IL1RAP: variants seen among roughly 807,000 people sequenced by gnomAD.
The protein encoded by IL1RAP is interleukin 1 receptor accessory protein, also known as interleukin-1 receptor accessory protein.
A neutral mutation model predicts 60.7 loss-of-function variants in IL1RAP; 35 were observed. That is an observed-to-expected ratio of 0.58 (90% CI 0.44 to 0.76). IL1RAP has a LOEUF of 0.76. Among genes scored for constraint, IL1RAP ranks in the 30% least tolerant of loss-of-function variants. The probability of loss-of-function intolerance (pLI) is 0.00; values close to 1 mark genes in which losing one functional copy is unlikely to be tolerated. For synonymous variants in IL1RAP, 268 were observed against 250.9 expected (o/e 1.07, Z -0.64); for missense variants, 572 against 693.9 (o/e 0.82, Z 1.97).
At chr3:190,651,797 G>A (rs150408166), downstream of IL1RAP, among the ~76,000 whole-genome samples, 1 of 152,202 alleles carries the variant, frequency 6.6e-6, no homozygotes, top group Non-Finnish European at 1.5e-5. Flanking sequence ...ATGTGTATGT[G>A]TATGTGTATG....
rs1032941234 is a variant in IL1RAP, at chr3:190,564,212, C to T, written c.-1-77C>T. The T allele has an allele frequency of 7.8e-6, 7 of 898,172 alleles. No individual in the cohort carries two copies. In the African/African-American group the frequency reaches 9.8e-5, roughly 13 times the overall value. The allele number at this position is 898,172 out of a possible 1,614,324, so 55.6% of individuals were successfully genotyped here. A position where few individuals can be genotyped will look rare whatever the true frequency, so the allele number is the denominator to read the frequency against. ...CAGTCCCTAGTCTATAGTCAGCAGG[C>T]ATGAATGCTAGTTATTATTATTTAA... On this transcript the variant is annotated intron_variant, in intron 2 of 11. Transcript: ENST00000447382.
intron 2 of IL1RAP, among the ~76,000 whole-genome samples, chr3:190,563,123 A>T (rs1726059273): frequency 6.6e-6 from 1 of 152,152 alleles, no homozygotes; most frequent in African/African-American, 2.4e-5. Flanking sequence ...TGCTCTTAAA[A>T]TTGGCCCATT....
intron 3 of IL1RAP, among the ~76,000 whole-genome samples, chr3:190,588,563 C>T (rs966509962): frequency 6.6e-6 from 1 of 152,218 alleles, no homozygotes; most frequent in Non-Finnish European, 1.5e-5. Flanking sequence ...TGCACACACA[C>T]ACAAGATGTT....
chr3:190,652,457 G>GAAA (rs10631058), downstream of IL1RAP, among the ~76,000 whole-genome samples: 1,500 of 135,520 alleles, frequency 0.011, 28 homozygotes, highest in African/African-American at 0.038. Context: ...CGAGACTTCA[G>GAAA]AAAAAAAAAA....
chr3:190,603,591 T>G (rs562304643), intron 3 of IL1RAP, among the ~76,000 whole-genome samples: 1 of 152,232 alleles, frequency 6.6e-6, no homozygotes, highest in African/African-American at 2.4e-5. Flanking sequence ...ATATATTGGG[T>G]TTAACAAAAT....
At chr3:190,624,097 A>G (rs1390254034) in intron 7 of IL1RAP, among the ~76,000 whole-genome samples, 1 of 152,240 alleles carries the variant, frequency 6.6e-6, no homozygotes, top group Admixed American at 6.5e-5. Flanking sequence ...AACAACAAAG[A>G]CAATAGCTCT....
rs1211249957 is a variant in IL1RAP at position 190,648,588 on chromosome 3, G to A, written c.1596G>A (p.Lys532=). Residue 532 remains lysine (K), a synonymous_variant, in exon 12 of 12, where the codon AAG becomes AAA. Coordinates refer to ENST00000447382, the MANE Select transcript of IL1RAP (RefSeq NM_002182.4). ...TVIKWKGEKS[K]YPQGRFWKQL... ...TTAAATGGAAAGGGGAAAAATCCAA[G>A]TATCCACAGGGCAGGTTCTGGAAGC... is the stretch of plus-strand genomic sequence containing the variant. 6.2e-7 allele frequency: 1 copy of A among 1,614,194 alleles called. No homozygotes were observed. Among genetic ancestry groups the A allele is most frequent in the Admixed American group, 1.7e-5 (1 of 60,024 alleles).
At chr3:190,655,150 T>C (rs1482237970), downstream of IL1RAP, among the ~76,000 whole-genome samples, 1 of 152,200 alleles carries the variant, frequency 6.6e-6, no homozygotes, top group Non-Finnish European at 1.5e-5. Flanking sequence ...TCAAAGGATA[T>C]AACTGAGAAT....
intron 9 of IL1RAP, among the ~76,000 whole-genome samples, chr3:190,643,818 A>C (rs1045660246): frequency 6.6e-6 from 1 of 152,342 alleles, no homozygotes; most frequent in Non-Finnish European, 1.5e-5. Context: ...CAGCTGCATC[A>C]ACAATTAAAA....
At position 190,608,945 on chromosome 3, in the gene IL1RAP, A is replaced by G. The variant is rs550925753; in HGVS notation, c.351-50A>G. Reference sequence around the variant, plus strand: ...TAGTTCATTTGAATGTGGTTGCTCTATGAAATCAAATGCAAATACTACCCA... The same window carrying G: ...TAGTTCATTTGAATGTGGTTGCTCTGTGAAATCAAATGCAAATACTACCCA... On this transcript the variant is annotated intron_variant, in intron 4 of 11. Coordinates refer to ENST00000447382, the MANE Select transcript of IL1RAP (RefSeq NM_002182.4). The G allele has an allele frequency of 5.5e-6, 8 of 1,442,592 alleles. No homozygotes were observed. The South Asian group carries it at 9.7e-5, about 18-fold the overall frequency. 89.4% of individuals were successfully genotyped at this position (1,442,592 alleles called of 1,614,324 possible). A position where few individuals can be genotyped will look rare whatever the true frequency, so the allele number is the denominator to read the frequency against.
At chr3:190,646,411 C>T (rs1182077438) in intron 11 of IL1RAP, among the ~76,000 whole-genome samples, 2 of 152,014 alleles carry the variant, frequency 1.3e-5, no homozygotes, top group Non-Finnish European at 2.9e-5. Context: ...CTCAAATTCC[C>T]CTTTTCCTTG....
Position 190,650,998 on chromosome 3 carries a change from T to C in IL1RAP, c.*2293T>C. 1.0e-6 allele frequency: 1 copy of C among 985,224 alleles called. No homozygotes were observed. Among genetic ancestry groups the C allele is most frequent in the Middle Eastern group, 5.2e-4 (1 of 1,912 alleles). 61.0% of individuals were successfully genotyped at this position (985,224 alleles called of 1,614,324 possible). ...TTATATGCCTGCCTTTGGTACTTAATTTTACAAATGCTGTAATATAAAGCA... is the reference window on the plus strand; with the variant it reads ...TTATATGCCTGCCTTTGGTACTTAACTTTACAAATGCTGTAATATAAAGCA... On this transcript the variant is annotated 3_prime_UTR_variant, in exon 12 of 12. Transcript: ENST00000447382.
rs371785536 is a variant in IL1RAP at position 190,582,317 on chromosome 3, CT to C, written c.64+17978del. 2.5e-3 allele frequency among the ~76,000 whole-genome samples: 344 copies of C among 140,344 alleles called. 2 individuals are homozygous for C. Among genetic ancestry groups the C allele is most frequent in the Middle Eastern group, 3.7e-3 (1 of 270 alleles). 92.1% of individuals were successfully genotyped at this position (140,344 alleles called of 152,430 possible). The stretch of plus-strand genomic sequence containing the variant: ...CATCTCATTCTTGAACTTTTCTTTT[CT>C]TTTTTTTTTTTTTCATTTGAGATGG... On this transcript the variant is annotated intron_variant, in intron 3 of 11. Transcript: ENST00000447382.
At chr3:190,543,340 A>T (rs1395991686) in intron 1 of IL1RAP, among the ~76,000 whole-genome samples, 1 of 152,146 alleles carries the variant, frequency 6.6e-6, no homozygotes, top group Non-Finnish European at 1.5e-5. Context: ...AGAAGAATGT[A>T]ATCATTCACT....
chr3:190,626,695 G>A (rs1732305559), intron 7 of IL1RAP, among the ~76,000 whole-genome samples: 1 of 138,570 alleles, frequency 7.2e-6, no homozygotes, highest in Non-Finnish European at 1.5e-5. Context: ...TTTGGAGATG[G>A]AGTCTCACTC....
intron 9 of IL1RAP, among the ~76,000 whole-genome samples, chr3:190,643,086 C>T (rs1256627918): frequency 1.3e-5 from 2 of 152,040 alleles, no homozygotes; most frequent in African/African-American, 4.8e-5. Flanking sequence ...ATAATCTCTA[C>T]CTGAAAGACT....
At position 190,522,447 on chromosome 3, in the gene IL1RAP, C is replaced by G. The variant is rs532783564; in HGVS notation, c.-89+8228C>G. On this transcript the variant is annotated intron_variant, in intron 1 of 11. Coordinates refer to ENST00000447382, the MANE Select transcript of IL1RAP (RefSeq NM_002182.4). ...TCTATCTATCTATCTATCTATCTAT[C>G]TATCTATCTATCTATCTCTATTTAT... Among the ~76,000 whole-genome samples, 1,027 of 151,088 alleles carry G rather than the reference C, an allele frequency of 6.8e-3. 17 individuals carry two copies. Among genetic ancestry groups the G allele is most frequent in the African/African-American group, 0.022 (894 of 40,894 alleles).
intron 7 of IL1RAP, chr3:190,625,057 T>C (rs771704746): frequency 3.9e-5 from 6 of 154,832 alleles, no homozygotes; most frequent in Middle Eastern, 7.0e-4. Flanking sequence ...ACAAGCACCA[T>C]TGGTTTGCCA....
At chr3:190,656,044 G>A (rs546255225), downstream of IL1RAP, 6 of 1,537,080 alleles carry the variant, frequency 3.9e-6, no homozygotes, top group Non-Finnish European at 5.2e-6. Flanking sequence ...CATTGTGGTT[G>A]AGTACCGTCC....
Sources: gnomAD v4.1 joint callset for allele counts (sites outside exome capture counted in the v4.1 genomes callset) on GRCh38, gnomAD v4.1.1 for gene constraint, MANE v1.5 for transcripts, NCBI Gene and HGNC (gene_info 2026-07-23, HGNC 2026-07-21) for gene names.